B3GALNT2: variants seen among roughly 807,000 people sequenced by gnomAD.
The protein encoded by B3GALNT2 is beta-1,3-N-acetylgalactosaminyltransferase 2, also known as UDP-GalNAc:beta-1,3-N-acetylgalactosaminyltransferase 2.
In B3GALNT2, 53 loss-of-function variants were observed where a neutral mutation model predicts 61.1. The ratio of observed to expected loss-of-function variants is 0.87; its 90% CI spans 0.70 to 1.09. The LOEUF is 1.09. Among genes scored for constraint, B3GALNT2 ranks in the 50% least tolerant of loss-of-function variants. B3GALNT2 has a pLI of 0.00. For synonymous variants in B3GALNT2, 223 were observed against 237.4 expected, an observed-to-expected ratio of 0.94 and a Z score of 0.56; for missense variants, 544 against 623.0, an observed-to-expected ratio of 0.87 and a Z score of 1.35.
At chr1:235,458,179 G>A (rs529558316) in intron 8 of B3GALNT2, among the ~76,000 whole-genome samples, 12 of 152,116 alleles carry the variant, frequency 7.9e-5, no homozygotes, top group East Asian at 7.7e-4. Flanking sequence ...AAGTGCTGCC[G>A]GCAGGCATAA....
chr1:235,442,995 A>C, downstream of B3GALNT2: 1 of 1,377,316 alleles, frequency 7.3e-7, no homozygotes, highest in Non-Finnish European at 1.0e-6. Flanking sequence ...CCTTTAACTC[A>C]TGTCTCAAAG....
rs910573776 is a variant in B3GALNT2 at position 235,464,525 on chromosome 1, A to G, written c.841+1111T>C. On this transcript the variant is annotated intron_variant, in intron 7 of 11. Transcript: ENST00000366600. ...CCCTCACTTCCCACATCTAGTTCAT[A>G]TACCATAATAATTCACCCTGTTAAC... 2.0e-5 allele frequency: 3 copies of G among 149,466 alleles called. No individual in the cohort carries two copies. In the Admixed American group the frequency reaches 2.0e-4, roughly 10 times the overall value. The allele number at this position is 149,466 out of a possible 1,614,324, so 9.3% of individuals were successfully genotyped here.
chr1:235,468,781 C>T (rs704714), intron 6 of B3GALNT2, among the ~76,000 whole-genome samples: 112,545 of 152,044 alleles, frequency 0.74, 42,813 homozygotes, highest in African/African-American at 0.93. Flanking sequence ...ACCAATATTA[C>T]AGAATTTTGG....
At position 235,467,119 on chromosome 1, in the gene B3GALNT2, C is replaced by T. The variant is rs558976434; in HGVS notation, c.763-1405G>A. Among the ~76,000 whole-genome samples, 26 of 152,198 alleles carry T rather than the reference C, an allele frequency of 1.7e-4. No homozygotes were observed. In the South Asian group the frequency reaches 3.7e-3, roughly 22 times the overall value. On this transcript the variant is annotated intron_variant, in intron 6 of 11. Transcript: ENST00000366600. ...ATCCCAGCACTTTGGGAGGCGGAGG[C>T]GGGCGGATCACGAGGACAAGACATC...
chr1:235,480,523 A>G lies in B3GALNT2; in HGVS notation c.556-374T>C, dbSNP rs142238173. Among the ~76,000 whole-genome samples, 1,114 of 152,258 alleles carry G rather than the reference A, an allele frequency of 7.3e-3. 6 individuals carry two copies. The highest frequency in any genetic ancestry group is 8.7e-3 in the Non-Finnish European group (591 of 68,018). ...GTTAAAACTAAACTGAAAGACACAG[A>G]TTTTTACTGGGAACAAAAGCACTCA... On this transcript the variant is annotated intron_variant, in intron 4 of 11. Coordinates refer to ENST00000366600, the MANE Select transcript of B3GALNT2 (RefSeq NM_152490.5).
intron 1 of B3GALNT2, among the ~76,000 whole-genome samples, chr1:235,498,232 C>G (rs1288159348): frequency 1.3e-5 from 2 of 152,156 alleles, no homozygotes; most frequent in African/African-American, 4.8e-5. Flanking sequence ...CTTTACCAAT[C>G]TGGCTCTAAA....
chr1:235,467,164 C>T (rs373462289), intron 6 of B3GALNT2, among the ~76,000 whole-genome samples: 24 of 152,070 alleles, frequency 1.6e-4, no homozygotes, highest in African/African-American at 4.8e-4. Context: ...CTAGCTAATA[C>T]GGTGAAACCC....
intron 6 of B3GALNT2, among the ~76,000 whole-genome samples, chr1:235,466,522 T>C (rs143665729): frequency 1.3e-5 from 2 of 152,230 alleles, no homozygotes; most frequent in East Asian, 3.9e-4. Flanking sequence ...CCAGCTAATA[T>C]TTATAAATTT....
chr1:235,465,608 C>T lies in B3GALNT2; in HGVS notation c.841+28G>A, dbSNP rs1471689729. The T allele has an allele frequency of 5.0e-6, 8 of 1,612,188 alleles. No individual in the cohort carries two copies. In the East Asian group the frequency reaches 1.6e-4, roughly 31 times the overall value. Reference sequence around the variant, plus strand: ...GATTAAGTATAAGACATTCAGTGTACTTTTCAAGTTTCAACTAGCAAACTT... The same window carrying T: ...GATTAAGTATAAGACATTCAGTGTATTTTTCAAGTTTCAACTAGCAAACTT... On this transcript the variant is annotated intron_variant, in intron 7 of 11. Coordinates refer to ENST00000366600, the MANE Select transcript of B3GALNT2 (RefSeq NM_152490.5).
At chr1:235,478,780 G>C (rs908198327) in intron 5 of B3GALNT2, 4 of 152,194 alleles carry the variant, frequency 2.6e-5, no homozygotes, top group African/African-American at 9.7e-5. Context: ...AAATTATAAA[G>C]TAGAATGAAC....
chr1:235,450,074 G>C lies in B3GALNT2; in HGVS notation c.*132C>G, dbSNP rs1249860770. 7 of 1,092,086 alleles carry C rather than the reference G, an allele frequency of 6.4e-6. No homozygotes were observed. The East Asian group carries it at 1.4e-4, about 22-fold the overall frequency. 67.6% of individuals were successfully genotyped at this position (1,092,086 alleles called of 1,614,324 possible). ...CATTAAGAAACACCGCATTGGTTCT[G>C]GGTGAAAGTGCCAGTCTGGAACTCT... On this transcript the variant is annotated 3_prime_UTR_variant, in exon 12 of 12. Transcript: ENST00000366600.
chr1:235,448,210 AAGTC>A lies in B3GALNT2; in HGVS notation c.*1992_*1995del. On this transcript the variant is annotated 3_prime_UTR_variant, in exon 12 of 12. Coordinates refer to ENST00000366600, the MANE Select transcript of B3GALNT2 (RefSeq NM_152490.5). Reference sequence around the variant, plus strand: ...GCAAGACTTACTTAAGTAAGTAAGTAAGTCAGTCTCAAAAAAAAAAAAAAAAAAA... The same window carrying A: ...GCAAGACTTACTTAAGTAAGTAAGTAAGTCTCAAAAAAAAAAAAAAAAAAA... 2 of 719,088 alleles carry A rather than the reference AAGTC, an allele frequency of 2.8e-6. No individual in the cohort carries two copies. The highest frequency in any genetic ancestry group is 4.0e-5 in the African/African-American group (2 of 50,210). The allele number at this position is 719,088 out of a possible 1,614,324, so 44.5% of individuals were successfully genotyped here.
chr1:235,458,482 C>T, intron 8 of B3GALNT2, 121 bp downstream of exon 8: 1 of 1,338,602 alleles, frequency 7.5e-7, no homozygotes, highest in Non-Finnish European at 9.7e-7. Context: ...CTCAGGAGTT[C>T]AAGACCAGCC....
intron 1 of B3GALNT2, among the ~76,000 whole-genome samples, chr1:235,502,822 G>GTT (rs1339425709): frequency 6.6e-6 from 1 of 152,218 alleles, no homozygotes; most frequent in Non-Finnish European, 1.5e-5. Context: ...AGAGAAACCT[G>GTT]TAACACACAA....
rs1682445358 is a variant in B3GALNT2, at chr1:235,447,484, G to T, written c.*2722C>A. On this transcript the variant is annotated 3_prime_UTR_variant, in exon 12 of 12. Transcript: ENST00000366600. ...ATTTACTCGGAAGTTACATTCCCAT[G>T]CCTGGCAGTCACTTGTGTATGTTTA... 6.6e-6 allele frequency among the ~76,000 whole-genome samples: 1 copy of T among 152,152 alleles called. No individual in the cohort carries two copies.
Position 235,450,137 on chromosome 1 carries a change from C to T in B3GALNT2, c.*69G>A. On this transcript the variant is annotated 3_prime_UTR_variant, in exon 12 of 12. Coordinates refer to ENST00000366600, the MANE Select transcript of B3GALNT2 (RefSeq NM_152490.5). ...TACAGTCTACTGCTAAACCCTGGGA[C>T]TCCTCAGACTTGCACTCAGATTATC... 6.4e-7 allele frequency: 1 copy of T among 1,571,804 alleles called. No homozygotes were observed. The highest frequency in any genetic ancestry group is 1.1e-5 in the South Asian group (1 of 89,560).
intron 5 of B3GALNT2, among the ~76,000 whole-genome samples, chr1:235,478,657 A>G (rs138035103): frequency 2.7e-4 from 41 of 152,368 alleles, no homozygotes; most frequent in Non-Finnish European, 2.9e-5. Flanking sequence ...TTGAAACTCT[A>G]TCAACACCCA....
intron 2 of B3GALNT2, 43 bp downstream of exon 2, chr1:235,494,638 T>C: frequency 6.3e-7 from 1 of 1,579,756 alleles, no homozygotes; most frequent in Non-Finnish European, 8.7e-7. Flanking sequence ...TTCAGAACTC[T>C]TATTTCAATA....
chr1:235,500,258 C>T (rs1395547264), intron 1 of B3GALNT2, among the ~76,000 whole-genome samples: 2 of 152,038 alleles, frequency 1.3e-5, no homozygotes, highest in Non-Finnish European at 2.9e-5. Flanking sequence ...TTTGGGAGGC[C>T]GAGGTGAATG....
Sources: allele counts gnomAD v4.1 joint callset (sites outside exome capture counted in the v4.1 genomes callset), GRCh38; gene constraint gnomAD v4.1.1; transcripts MANE v1.5; gene names NCBI Gene and HGNC (gene_info 2026-07-23, HGNC 2026-07-21).